LARP4: variants seen among roughly 807,000 people sequenced by gnomAD.
LARP4 encodes the protein La ribonucleoprotein 4.
LARP4 carries 29 observed loss-of-function variants against 92.9 expected under a neutral mutation model. The observed-to-expected ratio is 0.31, with a 90% CI of 0.23 to 0.43. The LOEUF (loss-of-function observed/expected upper bound fraction) is 0.43. LARP4 is among the 20% of genes least tolerant of loss of function. LARP4 has a pLI of 1.00. For synonymous variants in LARP4, 279 were observed against 284.1 expected (o/e 0.98, Z 0.18); for missense variants, 732 against 860.0 (o/e 0.85, Z 1.86).
chr12:50,429,611 T>C (rs948343910), intron 3 of LARP4, among the ~76,000 whole-genome samples: 8 of 152,144 alleles, frequency 5.3e-5, no homozygotes, highest in South Asian at 2.1e-4. Context: ...TGAAGTGATA[T>C]GGTAAGCAAT....
intron 1 of LARP4, among the ~76,000 whole-genome samples, chr12:50,426,684 G>GGGGGTGTGTGTGT (rs774548049): frequency 1.2e-5 from 1 of 86,174 alleles, no homozygotes; most frequent in African/African-American, 5.0e-5. Flanking sequence ...TTATGTTTGG[G>GGGGGTGTGTGTGT]GTGTGTGTGT....
chr12:50,463,024 G>T (rs1368475259), intron 12 of LARP4, among the ~76,000 whole-genome samples: 1 of 151,980 alleles, frequency 6.6e-6, no homozygotes, highest in African/African-American at 2.4e-5. Flanking sequence ...CAAGATTAAG[G>T]ACTTCTAGGG....
Position 50,440,498 on chromosome 12 carries a change from A to G in LARP4, c.699A>G (p.Ala233=), listed in dbSNP as rs763793333. 1.2e-6 allele frequency: 2 copies of G among 1,614,048 alleles called. No individual in the cohort carries two copies. The highest frequency in any genetic ancestry group is 3.3e-5 in the Admixed American group (2 of 60,032). ...NCPKVISCEF[A]HNSNWYITFQ... Reference sequence around the variant, plus strand: ...CCAAAGTGATAAGCTGTGAGTTTGCACACAATAGCAACTGGTATATCACTT... The same window carrying G: ...CCAAAGTGATAAGCTGTGAGTTTGCGCACAATAGCAACTGGTATATCACTT... Residue 233 remains alanine (A), a synonymous_variant, in exon 7 of 16, where the codon GCA becomes GCG. Transcript: ENST00000398473.
At chr12:50,467,238 TG>T in intron 13 of LARP4, 118 bp downstream of exon 13, 1 of 747,482 alleles carries the variant, frequency 1.3e-6, no homozygotes, top group South Asian at 3.1e-5. Context: ...TTTTTATTTA[TG>T]GAGTTTTCAG....
chr12:50,429,239 C>A, intron 3 of LARP4, 149 bp downstream of exon 3: 1 of 601,052 alleles, frequency 1.7e-6, no homozygotes, highest in East Asian at 3.1e-5. Context: ...TTGATTGTTA[C>A]ATTGTTTTCA....
intron 8 of LARP4, among the ~76,000 whole-genome samples, chr12:50,442,588 A>G (rs1385393179): frequency 2.0e-5 from 3 of 152,190 alleles, no homozygotes; most frequent in East Asian, 1.9e-4. Flanking sequence ...CCTGTGTGCT[A>G]TAGTTATTCT....
chr12:50,454,984 A>T (rs1953949814), intron 10 of LARP4: 1 of 152,220 alleles, frequency 6.6e-6, no homozygotes, highest in Non-Finnish European at 1.5e-5. Flanking sequence ...CTTTACAGAT[A>T]AGGAATCTGA....
At position 50,436,158 on chromosome 12, in the gene LARP4, G is replaced by A. The variant is rs1216691004; in HGVS notation, c.535+534G>A. 8.3e-5 allele frequency among the ~76,000 whole-genome samples: 7 copies of A among 84,772 alleles called. No individual in the cohort carries two copies. In the East Asian group the frequency reaches 2.7e-3, roughly 33 times the overall value. 55.6% of individuals were successfully genotyped at this position (84,772 alleles called of 152,430 possible). A position where few individuals can be genotyped will look rare whatever the true frequency, so the allele number is the denominator to read the frequency against. ...GTGTGTGTATATATCCCGCTGGGGT[G>A]TGTGTGTGTGTGTATGTATATATAT... On this transcript the variant is annotated intron_variant, in intron 5 of 15. Coordinates refer to ENST00000398473, the MANE Select transcript of LARP4 (RefSeq NM_052879.5).
chr12:50,427,740 A>T (rs1376204650), intron 1 of LARP4, 22 bp from the exon 2 acceptor site: 1 of 1,449,008 alleles, frequency 6.9e-7, no homozygotes, highest in African/African-American at 1.4e-5. Context: ...AAAATTTACA[A>T]ATAGATCCTT....
At chr12:50,407,007 G>A (rs1186914613) in intron 1 of LARP4, among the ~76,000 whole-genome samples, 5 of 149,812 alleles carry the variant, frequency 3.3e-5, no homozygotes, top group African/African-American at 9.8e-5. Flanking sequence ...GAGCCACCGC[G>A]CCCAGCCCAT....
intron 4 of LARP4, among the ~76,000 whole-genome samples, chr12:50,432,631 A>C (rs1384316667): frequency 6.6e-6 from 1 of 152,106 alleles, no homozygotes; most frequent in Non-Finnish European, 1.5e-5. Context: ...AGGCCAAGGC[A>C]GGCGGATCAC....
At chr12:50,470,439 C>CT (rs1048209416) in intron 13 of LARP4, among the ~76,000 whole-genome samples, 150 of 145,426 alleles carry the variant, frequency 1.0e-3, no homozygotes, top group African/African-American at 1.9e-3. Context: ...TTCTTTCTTT[C>CT]TTTTTTTTTT....
intron 10 of LARP4, among the ~76,000 whole-genome samples, chr12:50,457,201 CT>C (rs780762988): frequency 5.9e-5 from 7 of 119,266 alleles, no homozygotes; most frequent in African/African-American, 2.0e-4. Context: ...CATACCCGGC[CT>C]TTTTTTTTTT....
intron 1 of LARP4, chr12:50,416,233 A>G (rs1435850714): frequency 6.6e-6 from 1 of 152,166 alleles, no homozygotes; most frequent in Non-Finnish European, 1.5e-5. Context: ...ATGGATTTGA[A>G]TCTTGTTATT....
intron 4 of LARP4, among the ~76,000 whole-genome samples, chr12:50,431,925 G>C (rs1949716842): frequency 6.6e-6 from 1 of 152,156 alleles, no homozygotes; most frequent in Non-Finnish European, 1.5e-5. Flanking sequence ...GATCACCTGA[G>C]GTCAGGAGTT....
chr12:50,458,077 C>T lies in LARP4; in HGVS notation c.1122-3058C>T, dbSNP rs960516849. ...CCTTCCTAGTAGCTGGGACTACAGG[C>T]GCATACCACCATGCCTAGCTAAGTT... is the stretch of plus-strand genomic sequence containing the variant. On this transcript the variant is annotated intron_variant, in intron 10 of 15. Transcript: ENST00000398473. 1.9e-4 allele frequency among the ~76,000 whole-genome samples: 29 copies of T among 151,510 alleles called. 3 individuals are homozygous for T. Among genetic ancestry groups the T allele is most frequent in the Admixed American group, 1.6e-3 (25 of 15,158 alleles).
rs377340378 is a variant in LARP4 at position 50,461,220 on chromosome 12, T to C, written c.1207T>C (p.Tyr403His). The C allele has an allele frequency of 1.9e-6, 3 of 1,613,958 alleles. No individual in the cohort carries two copies. In the African/African-American group the frequency reaches 4.0e-5, roughly 22 times the overall value. The change falls in exon 11 of 16, where the codon TAT becomes CAT. Residue 403 changes from tyrosine (Y) to histidine (H), a missense_variant. Transcript: ENST00000398473. ...VSLGDGQLNR[Y>H]SSRNFPAERH... ...CTTGGGGGATGGACAGTTGAACAGA[T>C]ATAGTTCAAGAAACTTTCCAGCTGA...
At chr12:50,441,488 A>G (rs1951197072) in intron 7 of LARP4, 102 bp from the exon 8 acceptor site, 1 of 776,768 alleles carries the variant, frequency 1.3e-6, no homozygotes, top group Non-Finnish European at 2.1e-6. Flanking sequence ...CACCTACATA[A>G]TTTTGTTTTT....
intron 10 of LARP4, among the ~76,000 whole-genome samples, chr12:50,459,097 C>T (rs1263074419): frequency 1.3e-5 from 2 of 152,160 alleles, no homozygotes; most frequent in Non-Finnish European, 2.9e-5. Flanking sequence ...CTCCTGGGTT[C>T]AAGAGATTCT....
Sources: gnomAD v4.1 joint callset for allele counts (sites outside exome capture counted in the v4.1 genomes callset) on GRCh38, gnomAD v4.1.1 for gene constraint, MANE v1.5 for transcripts, NCBI Gene and HGNC (gene_info 2026-07-23, HGNC 2026-07-21) for gene names.